The following SPOCK1 variants were observed in gnomAD, a reference collection of about 807,000 sequenced individuals.
The protein encoded by SPOCK1 is testican-1.
A neutral mutation model predicts 55.3 loss-of-function variants in SPOCK1; 23 were observed. The ratio of observed to expected loss-of-function variants is 0.42; its 90% CI spans 0.30 to 0.59. SPOCK1 has a LOEUF of 0.59. SPOCK1 is among the 20% of genes least tolerant of loss of function. The pLI is 0.22. For synonymous variants in SPOCK1, 226 were observed against 221.0 expected (o/e 1.02, Z -0.20); for missense variants, 499 against 552.5 (o/e 0.90, Z 0.97).
At chr5:137,064,753 G>C (rs535416993) in intron 6 of SPOCK1, among the ~76,000 whole-genome samples, 23 of 152,300 alleles carry the variant, frequency 1.5e-4, no homozygotes, top group African/African-American at 5.3e-4. Context: ...ATTATTGTGA[G>C]AGCTGCATGG....
At chr5:137,361,412 A>T (rs1205113091) in intron 2 of SPOCK1, among the ~76,000 whole-genome samples, 1 of 152,208 alleles carries the variant, frequency 6.6e-6, no homozygotes, top group East Asian at 1.9e-4. Flanking sequence ...AGGGTCTGGG[A>T]TATAAGAGGC....
intron 6 of SPOCK1, among the ~76,000 whole-genome samples, chr5:137,018,635 T>C (rs768826455): frequency 3.3e-5 from 5 of 152,212 alleles, no homozygotes; most frequent in Non-Finnish European, 7.3e-5. Flanking sequence ...AAGAATGCTC[T>C]GCCCCTCTCC....
rs547500553 is a variant in SPOCK1, at chr5:137,351,659, G to T, written c.187-84604C>A. On this transcript the variant is annotated intron_variant, in intron 2 of 10. Transcript: ENST00000394945. ...GTGCTGTAAATTTGTAGCCAAGATA[G>T]TTGTATGTTTTGGCCACATCCAAGG... Among the ~76,000 whole-genome samples, 4 of 152,338 alleles carry T rather than the reference G, an allele frequency of 2.6e-5. No homozygotes were observed. The East Asian group carries it at 7.7e-4, about 29-fold the overall frequency.
chr5:137,266,948 G>A (rs1340596292), intron 3 of SPOCK1, 62 bp downstream of exon 3: 1 of 1,470,594 alleles, frequency 6.8e-7, no homozygotes, highest in Non-Finnish European at 9.5e-7. Context: ...CAGCATGCAA[G>A]GAAGGAAAAA....
chr5:137,133,418 C>A (rs546656648), intron 4 of SPOCK1, among the ~76,000 whole-genome samples: 4 of 151,910 alleles, frequency 2.6e-5, no homozygotes, highest in African/African-American at 9.7e-5. Flanking sequence ...CCCAGCCTAG[C>A]GAATTTGCCT....
intron 2 of SPOCK1, among the ~76,000 whole-genome samples, chr5:137,309,487 C>T (rs1316340319): frequency 6.6e-6 from 1 of 152,240 alleles, no homozygotes; most frequent in Non-Finnish European, 1.5e-5. Flanking sequence ...GCCTTGCCCA[C>T]TTTCTCAGCC....
intron 3 of SPOCK1, among the ~76,000 whole-genome samples, chr5:137,198,476 A>G (rs1384779912): frequency 6.6e-6 from 1 of 152,240 alleles, no homozygotes; most frequent in Non-Finnish European, 1.5e-5. Flanking sequence ...GAAAGTAAGC[A>G]CTATCTTTTC....
intron 3 of SPOCK1, among the ~76,000 whole-genome samples, chr5:137,261,568 TC>T (rs1456261989): frequency 6.6e-6 from 1 of 152,226 alleles, no homozygotes; most frequent in African/African-American, 2.4e-5. Context: ...GGCCCCTGAC[TC>T]TTTGAGTTTT....
At chr5:137,153,728 C>T (rs559835532) in intron 3 of SPOCK1, among the ~76,000 whole-genome samples, 6 of 151,982 alleles carry the variant, frequency 3.9e-5, no homozygotes, top group Admixed American at 2.6e-4. Flanking sequence ...CATGGTGGCA[C>T]GCACCTGTAG....
chr5:137,006,703 T>A (rs1751256382), intron 6 of SPOCK1, among the ~76,000 whole-genome samples: 1 of 152,200 alleles, frequency 6.6e-6, no homozygotes, highest in Non-Finnish European at 1.5e-5. Flanking sequence ...TTCTCTTGCC[T>A]AATTGCCCTG....
chr5:137,296,491 C>T (rs926716338), intron 2 of SPOCK1, among the ~76,000 whole-genome samples: 2 of 152,096 alleles, frequency 1.3e-5, no homozygotes, highest in African/African-American at 4.8e-5. Context: ...GCCGACTGAA[C>T]GCGAACTAAA....
At chr5:137,374,529 G>A (rs183872495) in intron 2 of SPOCK1, among the ~76,000 whole-genome samples, 2 of 152,176 alleles carry the variant, frequency 1.3e-5, no homozygotes, top group African/African-American at 2.4e-5. Flanking sequence ...ACTCCAACAC[G>A]CTGTGGCATG....
chr5:137,076,928 A>T (rs959825289), intron 5 of SPOCK1, among the ~76,000 whole-genome samples: 2 of 151,320 alleles, frequency 1.3e-5, no homozygotes, highest in African/African-American at 4.9e-5. Flanking sequence ...AGCAGATTTA[A>T]AATTTTTTTT....
intron 3 of SPOCK1, among the ~76,000 whole-genome samples, chr5:137,222,561 C>T (rs1580814646): frequency 1.3e-5 from 2 of 152,194 alleles, no homozygotes; most frequent in Non-Finnish European, 1.5e-5. Context: ...ACCCCCTTCA[C>T]ATATCTGTCA....
At chr5:137,468,914 C>A (rs983598826) in intron 2 of SPOCK1, among the ~76,000 whole-genome samples, 1 of 152,162 alleles carries the variant, frequency 6.6e-6, no homozygotes, top group Non-Finnish European at 1.5e-5. Context: ...CCTCACCCAC[C>A]TCATCACAAT....
intron 6 of SPOCK1, among the ~76,000 whole-genome samples, chr5:137,062,525 A>AAATAACAAT (rs146318882): frequency 1.4e-3 from 205 of 143,470 alleles, no homozygotes; most frequent in African/African-American, 5.1e-3. Flanking sequence ...CAAGCATTAT[A>AAATAACAAT]AATAATAATA....
intron 2 of SPOCK1, among the ~76,000 whole-genome samples, chr5:137,476,135 C>T (rs1257624042): frequency 7.2e-5 from 11 of 151,762 alleles, no homozygotes; most frequent in African/African-American, 2.4e-4. Context: ...ATTTCATCAT[C>T]CAGGTATTAA....
chr5:137,311,105 C>T (rs1220502396), intron 2 of SPOCK1, among the ~76,000 whole-genome samples: 1 of 152,114 alleles, frequency 6.6e-6, no homozygotes, highest in Non-Finnish European at 1.5e-5. Context: ...GATCTCAGGC[C>T]ACAAGGTAGA....
At chr5:137,247,962 G>A (rs1477650838) in intron 3 of SPOCK1, among the ~76,000 whole-genome samples, 2 of 152,062 alleles carry the variant, frequency 1.3e-5, no homozygotes, top group African/African-American at 2.4e-5. Flanking sequence ...TCCTAACATC[G>A]AAACATTGGG....
Sources: allele counts gnomAD v4.1 joint callset (sites outside exome capture counted in the v4.1 genomes callset), GRCh38; gene constraint gnomAD v4.1.1; transcripts MANE v1.5; gene names NCBI Gene and HGNC (gene_info 2026-07-23, HGNC 2026-07-21).